GBP4: variants seen among roughly 807,000 people sequenced by gnomAD.
The protein encoded by GBP4 is guanylate-binding protein 4.
GBP4 carries 69 observed loss-of-function variants against 62.2 expected under a neutral mutation model. The observed-to-expected ratio is 1.11, with a 90% CI of 0.91 to 1.36. The LOEUF (loss-of-function observed/expected upper bound fraction) is 1.36, where lower values mean the gene tolerates loss of function less well. GBP4 is among the 40% of genes most tolerant of loss of function. GBP4 has a pLI of 0.00. For missense variants in GBP4, 697 were observed against 759.3 expected, an observed-to-expected ratio of 0.92 and a Z score of 0.96; for synonymous variants, 278 against 274.6, an observed-to-expected ratio of 1.01 and a Z score of -0.12.
chr1:89,185,809 C>A (rs961752799), intron 10 of GBP4, among the ~76,000 whole-genome samples: 2 of 152,096 alleles, frequency 1.3e-5, no homozygotes, highest in African/African-American at 4.8e-5. Flanking sequence ...TAGCAAATAA[C>A]GGGGGACTGC....
In GBP4 at chr1:89,191,453, A is replaced by C; in HGVS notation, c.724T>G (p.Phe242Val). The C allele has an allele frequency of 6.2e-7, 1 of 1,614,118 alleles. No homozygotes were observed. The highest frequency in any genetic ancestry group is 8.5e-7 in the Non-Finnish European group (1 of 1,179,930). Residue 242 changes from phenylalanine (F) to valine (V), a missense_variant, in exon 6 of 11, where the codon TTC becomes GTC. By Grantham distance (50) the Phe-to-Val change is conservative (BLOSUM62 -1). This residue lies in a region of GBP4 where 556 missense variants were observed against 562.7 expected (regional missense o/e 0.99). Coordinates refer to ENST00000355754, the MANE Select transcript of GBP4 (RefSeq NM_052941.5). Reference protein sequence around the residue: ...SNMPRECIRHFFRKRKCFVFD... With the variant: ...SNMPRECIRHVFRKRKCFVFD... The stretch of plus-strand genomic sequence containing the variant: ...ACAAAGCACTTCCGTTTTCGGAAGA[A>C]ATGCCTGATACACTCTCTAGGCATG...
chr1:89,191,591 C>T (rs1648190908), intron 5 of GBP4, 85 bp from the exon 6 acceptor site: 2 of 1,306,632 alleles, frequency 1.5e-6, no homozygotes, highest in Non-Finnish European at 2.1e-6. Context: ...TCTTTGCATC[C>T]CTGCAGCTCC....
rs766436671 is a variant in GBP4 at position 89,187,064 on chromosome 1, C to T, written c.1449G>A (p.Val483=). Residue 483 remains valine, a synonymous_variant, in exon 9 of 11, where the codon GTG becomes GTA. Transcript: ENST00000355754. ...ACTGCAGGATGGATTCCTCTACAAC[C>T]ACCTGTGACTGCAGGAAGTTCTGGA... ...EVLQNFLQSQ[V]VVEESILQSD... is the part of the protein sequence containing the mutation. 6.2e-7 allele frequency: 1 copy of T among 1,614,166 alleles called. No individual in the cohort carries two copies. The highest frequency in any genetic ancestry group is 8.5e-7 in the Non-Finnish European group (1 of 1,180,008).
intron 2 of GBP4, 67 bp from the exon 3 acceptor site, chr1:89,195,491 G>A (rs1026977632): frequency 1.5e-5 from 23 of 1,571,920 alleles, no homozygotes; most frequent in South Asian, 9.0e-5. Flanking sequence ...GGATTACACC[G>A]GTTAAACTTG....
chr1:89,185,370 CA>C lies in GBP4; in HGVS notation c.1806del (p.Asn602LysfsTer4). On this transcript the variant is annotated frameshift_variant, in exon 11 of 11. Coordinates refer to ENST00000355754, the MANE Select transcript of GBP4 (RefSeq NM_052941.5). LOFTEE classifies it low-confidence loss of function (END_TRUNC). ...AGGATCTTTAAGAGCCTTAACTGTT[CA>C]TTTTTAGTGCTTTCAATTTTTTCTT... is the stretch of plus-strand genomic sequence containing the variant. ...QLKEKIESTK[N>X]EQLRLLKILD... 1.9e-6 allele frequency: 3 copies of C among 1,604,358 alleles called. No homozygotes were observed. The highest frequency in any genetic ancestry group is 2.6e-6 in the Non-Finnish European group (3 of 1,171,204).
At position 89,187,039 on chromosome 1, in the gene GBP4, A is replaced by C. The variant is rs1452100474; in HGVS notation, c.1474T>G (p.Ser492Ala). The change falls in exon 9 of 11, where the codon TCA (serine) becomes GCA (alanine). Residue 492 changes from serine to alanine, a missense_variant. Ser to Ala is a moderately conservative substitution (Grantham distance 99). Coordinates refer to ENST00000355754, the MANE Select transcript of GBP4 (RefSeq NM_052941.5). Reference protein sequence around the residue: ...QVVVEESILQSDKALTAGEKA... With the variant: ...QVVVEESILQADKALTAGEKA... Reference sequence around the variant, plus strand: ...TCTCCAGCAGTGAGGGCTTTGTCTGACTGCAGGATGGATTCCTCTACAACC... The same window carrying C: ...TCTCCAGCAGTGAGGGCTTTGTCTGCCTGCAGGATGGATTCCTCTACAACC... 7 of 1,613,954 alleles carry C rather than the reference A, an allele frequency of 4.3e-6. No homozygotes were observed. The highest frequency in any genetic ancestry group is 5.9e-6 in the Non-Finnish European group (7 of 1,179,996).
rs140840134 is a variant in GBP4 at position 89,191,337 on chromosome 1, T to G, written c.840A>C (p.Ser280=). 241 of 1,614,232 alleles carry G rather than the reference T, an allele frequency of 1.5e-4. 4 individuals carry two copies. In the South Asian group the frequency reaches 1.9e-3, roughly 12 times the overall value. The change falls in exon 6 of 11, where the codon TCA becomes TCC. Residue 280 remains serine, a synonymous_variant. Coordinates refer to ENST00000355754, the MANE Select transcript of GBP4 (RefSeq NM_052941.5). ...ENLERHFLMQ[S]DNFCSYIFTH... ...TGAAGATATAAGAACAGAAGTTGTC[T>G]GATTGCATAAGGAAATGCCTTTCCA...
At chr1:89,190,817 C>G (rs1331504124) in intron 6 of GBP4, among the ~76,000 whole-genome samples, 1 of 151,996 alleles carries the variant, frequency 6.6e-6, no homozygotes, top group South Asian at 2.1e-4. Context: ...AGGGAGTGGA[C>G]GACTACACAG....
Position 89,198,918 on chromosome 1 carries a change from G to T in GBP4, c.-84C>A. Reference sequence around the variant, plus strand: ...TCCAGCCGGATTTACAGACATCCAAGTAAGAGTCTGTGAGAACCGAAATTG... The same window carrying T: ...TCCAGCCGGATTTACAGACATCCAATTAAGAGTCTGTGAGAACCGAAATTG... On this transcript the variant is annotated 5_prime_UTR_variant, in exon 1 of 11. Transcript: ENST00000355754. The T allele has an allele frequency of 7.8e-7, 1 of 1,287,594 alleles. No homozygotes were observed. Among genetic ancestry groups the T allele is most frequent in the Non-Finnish European group, 1.1e-6 (1 of 882,236 alleles). The allele number at this position is 1,287,594 out of a possible 1,614,324, so 79.8% of individuals were successfully genotyped here.
chr1:89,186,573 T>C, intron 9 of GBP4, 47 bp from the exon 10 acceptor site: 1 of 1,550,496 alleles, frequency 6.4e-7, no homozygotes, highest in Non-Finnish European at 8.8e-7. Context: ...CAGTTATTCC[T>C]GAGTTCTACC....
Position 89,183,830 on chromosome 1 carries a change from T to C in GBP4, c.*1424A>G, listed in dbSNP as rs1647956769. 6.6e-6 allele frequency: 1 copy of C among 152,188 alleles called. No homozygotes were observed. Among genetic ancestry groups the C allele is most frequent in the Non-Finnish European group, 1.5e-5 (1 of 68,036 alleles). The allele number at this position is 152,188 out of a possible 1,614,324, so 9.4% of individuals were successfully genotyped here. On this transcript the variant is annotated 3_prime_UTR_variant, in exon 11 of 11. Transcript: ENST00000355754. ...GGGAGGTTGAGGCTACAATGACCCA[T>C]GTTTGTGCTACTGCACTCCAGCCTG...
rs751061154 is a variant in GBP4 at position 89,191,508 on chromosome 1, T to C, written c.671-2A>G. 1.9e-6 allele frequency: 3 copies of C among 1,610,222 alleles called. No individual in the cohort carries two copies. The highest frequency in any genetic ancestry group is 2.2e-5 in the East Asian group (1 of 44,810). Reference sequence around the variant, plus strand: ...AATTTTGAATTTTGGGATTCTTGCCTGTGGAATTGTAAAAAAGAGGGCTCA... The same window carrying C: ...AATTTTGAATTTTGGGATTCTTGCCCGTGGAATTGTAAAAAAGAGGGCTCA... On this transcript the variant is annotated splice_acceptor_variant, in intron 5 of 10. Coordinates refer to ENST00000355754, the MANE Select transcript of GBP4 (RefSeq NM_052941.5). LOFTEE classifies it high-confidence loss of function.
At position 89,181,631 on chromosome 1, in the gene GBP4, A is replaced by G. The variant is rs1647883517; in HGVS notation, c.*3623T>C. The G allele has an allele frequency of 6.6e-6, 1 of 152,172 alleles. No homozygotes were observed. Among genetic ancestry groups the G allele is most frequent in the Non-Finnish European group, 1.5e-5 (1 of 68,038 alleles). 9.4% of individuals were successfully genotyped at this position (152,172 alleles called of 1,614,324 possible). ...CCCAATAGTAGAATTGCTAGACAAA[A>G]TGTATGTACATTAAAATTTTGATAT... On this transcript the variant is annotated 3_prime_UTR_variant, in exon 11 of 11. Coordinates refer to ENST00000355754, the MANE Select transcript of GBP4 (RefSeq NM_052941.5).
At chr1:89,194,167 T>TA (rs1648265621) in intron 3 of GBP4, among the ~76,000 whole-genome samples, 1 of 152,162 alleles carries the variant, frequency 6.6e-6, no homozygotes, top group South Asian at 2.1e-4. Context: ...AGCATGGTCA[T>TA]AAAAGGGCAT....
intron 8 of GBP4, among the ~76,000 whole-genome samples, chr1:89,187,754 T>A (rs1648076173): frequency 6.6e-6 from 1 of 152,184 alleles, no homozygotes; most frequent in African/African-American, 2.4e-5. Context: ...TCACTAATCA[T>A]CAGGGAAATG....
chr1:89,191,405 T>C lies in GBP4; in HGVS notation c.772A>G (p.Lys258Glu). 3 of 1,614,262 alleles carry C rather than the reference T, an allele frequency of 1.9e-6. No homozygotes were observed. Among genetic ancestry groups the C allele is most frequent in the Non-Finnish European group, 8.5e-7 (1 of 1,180,048 alleles). The stretch of plus-strand genomic sequence containing the variant: ...TCGTCCATATGATTTAAATATTGCT[T>C]GTCATTTGTAGGCCGGTCAAAGACA... ...CFVFDRPTNDKQYLNHMDEVP... is the reference protein window; with the variant it reads ...CFVFDRPTNDEQYLNHMDEVP... The change falls in exon 6 of 11, where the codon AAG (lysine) becomes GAG (glutamate). Residue 258 changes from lysine (K) to glutamate (E), a missense_variant. Physicochemically the swap from Lys to Glu is moderately conservative, Grantham distance 56. Coordinates refer to ENST00000355754, the MANE Select transcript of GBP4 (RefSeq NM_052941.5).
At chr1:89,186,561 G>T in intron 9 of GBP4, 35 bp from the exon 10 acceptor site, 1 of 1,591,908 alleles carries the variant, frequency 6.3e-7, no homozygotes, top group South Asian at 1.1e-5. Flanking sequence ...GGAAGAAAAT[G>T]ACAGTTATTC....
chr1:89,188,684 A>T lies in GBP4; in HGVS notation c.1308T>A (p.Ile436=). 1.2e-6 allele frequency: 2 copies of T among 1,614,182 alleles called. No individual in the cohort carries two copies. The highest frequency in any genetic ancestry group is 1.7e-6 in the Non-Finnish European group (2 of 1,180,026). ...KRLSEHLTES[I]LRGIFSVPGG... The stretch of plus-strand genomic sequence containing the variant: ...CAGGAACAGAGAAAATTCCTCTCAA[A>T]ATGCTTTCTGTCAGGTGCTCTGAAA... The change falls in exon 8 of 11, where the codon ATT becomes ATA. Residue 436 remains isoleucine (I), a synonymous_variant. Transcript: ENST00000355754.
chr1:89,189,915 G>T, intron 7 of GBP4, 123 bp downstream of exon 7: 1 of 917,160 alleles, frequency 1.1e-6, no homozygotes, highest in Non-Finnish European at 1.6e-6. Flanking sequence ...ATAGAGCCCT[G>T]TTATTCACAA....
Sources: gnomAD v4.1 joint callset for allele counts (sites outside exome capture counted in the v4.1 genomes callset) on GRCh38, gnomAD v4.1.1 for gene constraint, gnomAD v4.1.1 regional missense constraint, MANE v1.5 for transcripts, NCBI Gene and HGNC (gene_info 2026-07-23, HGNC 2026-07-21) for gene names.